Variants in RARS2 observed in about 807,000 individuals in gnomAD.
The protein encoded by RARS2 is probable arginine--tRNA ligase, mitochondrial.
Under a neutral mutation model 88.5 loss-of-function variants are expected in RARS2, and 67 were observed. The observed-to-expected ratio is 0.76, with a 90% confidence interval of 0.62 to 0.93. RARS2 has a LOEUF of 0.93. Among genes scored for constraint, RARS2 ranks in the 40% least tolerant of loss-of-function variants. The probability of loss-of-function intolerance (pLI) is 0.00; values close to 1 mark genes in which losing one functional copy is unlikely to be tolerated. For synonymous variants in RARS2, 239 were observed against 230.3 expected, an observed-to-expected ratio of 1.04 and a Z score of -0.34; for missense variants, 664 against 684.2, an observed-to-expected ratio of 0.97 and a Z score of 0.33.
rs145541858 is a variant in RARS2 at position 87,545,866 on chromosome 6, G to T, written c.452-167C>A. 8.5e-3 allele frequency among the ~76,000 whole-genome samples: 1,295 copies of T among 152,100 alleles called. 11 individuals are homozygous for T. Among genetic ancestry groups the T allele is most frequent in the Non-Finnish European group, 0.013 (872 of 67,996 alleles). On this transcript the variant is annotated intron_variant, in intron 6 of 19. Transcript: ENST00000369536. Reference sequence around the variant, plus strand: ...CATCATTGTGTTTTCATGTGTTATGGAAAGGGAGTAAGAAATTACTTGTAG... The same window carrying T: ...CATCATTGTGTTTTCATGTGTTATGTAAAGGGAGTAAGAAATTACTTGTAG...
chr6:87,576,522 C>T (rs545124124), intron 1 of RARS2, among the ~76,000 whole-genome samples: 8 of 146,610 alleles, frequency 5.5e-5, no homozygotes, highest in East Asian at 2.0e-4. Context: ...GTGATCCGCC[C>T]GCCTCGGCCT....
intron 1 of RARS2, among the ~76,000 whole-genome samples, chr6:87,579,400 C>T (rs1037098205): frequency 6.6e-6 from 1 of 152,052 alleles, no homozygotes; most frequent in African/African-American, 2.4e-5. Context: ...GGTAGCCGTT[C>T]GGTAGTGGTT....
Position 87,519,626 on chromosome 6 carries a change from A to G in RARS2, c.1194T>C (p.Asn398=), listed in dbSNP as rs539886314. 1.2e-6 allele frequency: 2 copies of G among 1,610,884 alleles called. No individual in the cohort carries two copies. The highest frequency in any genetic ancestry group is 1.1e-5 in the South Asian group (1 of 91,030). Residue 398 remains asparagine, a synonymous_variant, in exon 14 of 20, where the codon AAT becomes AAC. Transcript: ENST00000369536. ...GDVTFLEDVL[N]EIQLRMLQNM... ...TCTGTAGCATCCTTAATTGAATCTC[A>G]TTTAAAACATCTTCCAGGAAAGTGA...
chr6:87,519,604 G>A lies in RARS2; in HGVS notation c.1216C>T (p.Gln406Ter). ...VLNEIQLRML[Q>*]NMASIKTTKE... Reference sequence around the variant, plus strand: ...TCACTCTTAATTGAAGCCATGTTCTGTAGCATCCTTAATTGAATCTCATTT... The same window carrying A: ...TCACTCTTAATTGAAGCCATGTTCTATAGCATCCTTAATTGAATCTCATTT... Residue 406 changes from glutamine (Q) to a stop codon, truncating the protein, a stop_gained, in exon 14 of 20, where the codon CAG becomes TAG. Coordinates refer to ENST00000369536, the MANE Select transcript of RARS2 (RefSeq NM_020320.5). LOFTEE classifies it high-confidence loss of function. The A allele has an allele frequency of 3.7e-6, 6 of 1,612,662 alleles. No individual in the cohort carries two copies. The highest frequency in any genetic ancestry group is 5.1e-6 in the Non-Finnish European group (6 of 1,178,710).
intron 10 of RARS2, among the ~76,000 whole-genome samples, chr6:87,528,246 A>AC (rs1776389229): frequency 6.6e-6 from 1 of 150,790 alleles, no homozygotes; most frequent in African/African-American, 2.4e-5. Context: ...TTATAACAAA[A>AC]AAAAAAAAAA....
chr6:87,560,547 G>A (rs1314775360), intron 4 of RARS2, among the ~76,000 whole-genome samples: 1 of 152,162 alleles, frequency 6.6e-6, no homozygotes, highest in Non-Finnish European at 1.5e-5. Flanking sequence ...TTAATTCTTT[G>A]TTGGTCCTAA....
At chr6:87,542,590 T>A (rs1206231672) in intron 7 of RARS2, among the ~76,000 whole-genome samples, 1 of 151,770 alleles carries the variant, frequency 6.6e-6, no homozygotes, top group Non-Finnish European at 1.5e-5. Flanking sequence ...TTTGACTGTG[T>A]ATAATTTTTT....
In RARS2 at chr6:87,514,072, G is replaced by A. The variant is rs1016476085; in HGVS notation, c.*341C>T. Among the ~76,000 whole-genome samples the A allele has an allele frequency of 6.6e-6, 1 of 152,186 alleles. No homozygotes were observed. Among genetic ancestry groups the A allele is most frequent in the Non-Finnish European group, 1.5e-5 (1 of 68,032 alleles). On this transcript the variant is annotated 3_prime_UTR_variant, in exon 20 of 20. Transcript: ENST00000369536. ...CATGCCTCTAATCCCAACACTTTGG[G>A]AGGCCAAGGCAGACAGATAACCTGA...
At chr6:87,516,315 G>A (rs1197728371) in intron 18 of RARS2, among the ~76,000 whole-genome samples, 4 of 152,042 alleles carry the variant, frequency 2.6e-5, no homozygotes, top group Non-Finnish European at 5.9e-5. Context: ...CCACCACCCC[G>A]AAAATAAGTT....
In RARS2 at chr6:87,548,463, G is replaced by A. The variant is rs1402735568; in HGVS notation, c.451+128C>T. On this transcript the variant is annotated intron_variant, in intron 6 of 19. Coordinates refer to ENST00000369536, the MANE Select transcript of RARS2 (RefSeq NM_020320.5). ...TGTCATCCATTTCCTGAATTGGCAG[G>A]AGGCTCATATAAATTTAAACTTTTT... The A allele has an allele frequency of 7.1e-6, 6 of 843,356 alleles. No homozygotes were observed. The Admixed American group carries it at 1.2e-4, about 16-fold the overall frequency. The allele number at this position is 843,356 out of a possible 1,614,324, so 52.2% of individuals were successfully genotyped here.
At chr6:87,521,426 G>C (rs535888660) in intron 12 of RARS2, 38 bp downstream of exon 12, 35 of 1,451,160 alleles carry the variant, frequency 2.4e-5, no homozygotes, top group Non-Finnish European at 3.3e-5. Flanking sequence ...TAGTTTTCAT[G>C]AGTTAAGAGA....
intron 1 of RARS2, among the ~76,000 whole-genome samples, chr6:87,570,155 G>A (rs541742136): frequency 6.6e-6 from 1 of 152,100 alleles, no homozygotes; most frequent in African/African-American, 2.4e-5. Flanking sequence ...TTAGAATAGC[G>A]GGGTGGATGT....
intron 1 of RARS2, among the ~76,000 whole-genome samples, chr6:87,580,447 C>T (rs1773132908): frequency 6.6e-6 from 1 of 151,952 alleles, no homozygotes; most frequent in African/African-American, 2.4e-5. Flanking sequence ...CTAAACAACA[C>T]ATTGAATGAG....
At chr6:87,565,820 C>T (rs1188863065) in intron 2 of RARS2, among the ~76,000 whole-genome samples, 1 of 152,170 alleles carries the variant, frequency 6.6e-6, no homozygotes, top group Non-Finnish European at 1.5e-5. Flanking sequence ...CTTTATTTAT[C>T]CAGCCCATCT....
chr6:87,563,859 C>T (rs762709716), intron 3 of RARS2, among the ~76,000 whole-genome samples: 5 of 152,202 alleles, frequency 3.3e-5, no homozygotes, highest in Non-Finnish European at 5.9e-5. Flanking sequence ...CATCCAGCTT[C>T]AATCTGTAAA....
intron 3 of RARS2, 120 bp downstream of exon 3, chr6:87,564,010 C>T: frequency 1.3e-6 from 1 of 762,994 alleles, no homozygotes; most frequent in Non-Finnish European, 2.3e-6. Flanking sequence ...AATTATATTA[C>T]ACAAGATGCC....
At chr6:87,562,190 A>G (rs1297554544) in intron 4 of RARS2, among the ~76,000 whole-genome samples, 2 of 152,272 alleles carry the variant, frequency 1.3e-5, no homozygotes, top group South Asian at 2.1e-4. Flanking sequence ...TCCGGGCTCA[A>G]GTGATCCTCC....
intron 10 of RARS2, among the ~76,000 whole-genome samples, chr6:87,528,179 C>T (rs1276674987): frequency 1.5e-5 from 2 of 134,692 alleles, no homozygotes; most frequent in Non-Finnish European, 3.2e-5. Flanking sequence ...CAGGGAAATA[C>T]AAAATTAAAA....
At position 87,524,752 on chromosome 6, in the gene RARS2, C is replaced by A. The variant is rs1775113047; in HGVS notation, c.879-100G>T. ...AGCAAACCAGAAGCTATTTTTATTA[C>A]CCACGTTGCAATGAGCAGTGCCAAT... On this transcript the variant is annotated intron_variant, in intron 10 of 19. Transcript: ENST00000369536. 9.3e-6 allele frequency: 8 copies of A among 860,206 alleles called. No individual in the cohort carries two copies. The South Asian group carries it at 9.6e-5, about 10-fold the overall frequency. 53.3% of individuals were successfully genotyped at this position (860,206 alleles called of 1,614,324 possible).
Sources: allele counts gnomAD v4.1 joint callset (sites outside exome capture counted in the v4.1 genomes callset), GRCh38; gene constraint gnomAD v4.1.1; transcripts MANE v1.5; gene names NCBI Gene and HGNC (gene_info 2026-07-23, HGNC 2026-07-21).